Variants in DNAH5 observed in about 807,000 individuals in gnomAD.
The protein encoded by DNAH5 is dynein axonemal heavy chain 5, also known as axonemal beta dynein heavy chain 5.
DNAH5 carries 372 observed loss-of-function variants against 518.2 expected under a neutral mutation model. The observed-to-expected ratio is 0.72, with a 90% CI of 0.66 to 0.78. The LOEUF is 0.78. Among genes scored for constraint, DNAH5 ranks in the 30% least tolerant of loss-of-function variants. The pLI is 0.00. For synonymous variants in DNAH5, 2,039 were observed against 2,025.9 expected (o/e 1.01, Z -0.17); for missense variants, 5,523 against 5,687.0 (o/e 0.97, Z 0.93).
chr5:13,982,153 G>A (rs562581957), intron 1 of DNAH5, among the ~76,000 whole-genome samples: 19 of 152,302 alleles, frequency 1.2e-4, no homozygotes, highest in South Asian at 4.1e-4. Flanking sequence ...GAAATCTCCC[G>A]GATGAAGATC....
intron 48 of DNAH5, 63 bp downstream of exon 48, chr5:13,793,873 A>C: frequency 6.3e-7 from 1 of 1,576,270 alleles, no homozygotes; most frequent in East Asian, 2.3e-5. Flanking sequence ...ATTTTTAAAA[A>C]CTCTTCTAAG....
intron 1 of DNAH5, among the ~76,000 whole-genome samples, chr5:13,970,216 G>T (rs772840332): frequency 6.6e-6 from 1 of 152,166 alleles, no homozygotes; most frequent in Non-Finnish European, 1.5e-5. Context: ...GAAGATAAGA[G>T]ATACTTGGTT....
chr5:13,952,573 G>A (rs144006592), intron 1 of DNAH5, among the ~76,000 whole-genome samples: 123 of 152,246 alleles, frequency 8.1e-4, no homozygotes, highest in African/African-American at 2.8e-3. Flanking sequence ...GGATCAATAT[G>A]TCTTACCCAT....
chr5:13,872,455 T>C (rs899411107), intron 22 of DNAH5, among the ~76,000 whole-genome samples: 2 of 152,342 alleles, frequency 1.3e-5, no homozygotes, highest in East Asian at 1.9e-4. Context: ...AGTTTTAGCA[T>C]AATCTTCATA....
chr5:13,738,588 G>C (rs1747928269), intron 65 of DNAH5, among the ~76,000 whole-genome samples: 1 of 152,136 alleles, frequency 6.6e-6, no homozygotes, highest in Non-Finnish European at 1.5e-5. Flanking sequence ...ATCCTTATTG[G>C]CCTTTTCTTC....
At chr5:13,713,314 C>T (rs1743796850) in intron 75 of DNAH5, among the ~76,000 whole-genome samples, 1 of 141,112 alleles carries the variant, frequency 7.1e-6, no homozygotes, top group Non-Finnish European at 1.5e-5. Context: ...TATATATATA[C>T]CGACATATAT....
At chr5:13,881,543 T>C (rs1358487378) in intron 21 of DNAH5, among the ~76,000 whole-genome samples, 1 of 151,772 alleles carries the variant, frequency 6.6e-6, no homozygotes, top group South Asian at 2.1e-4. Flanking sequence ...TTTAAATATG[T>C]GAAAATAAAA....
chr5:13,865,707 A>G lies in DNAH5; in HGVS notation c.4316T>C (p.Ile1439Thr), dbSNP rs1318331552. 1 of 1,601,984 alleles carries G rather than the reference A, an allele frequency of 6.2e-7. No individual in the cohort carries two copies. Among genetic ancestry groups the G allele is most frequent in the East Asian group, 2.2e-5 (1 of 44,824 alleles). ...YYDILWSEVN[I>T]EKINNELLEF... is the part of the protein sequence containing the mutation. ...TAAGAGTTCATTGTTAATTTTTTCA[A>G]TATTCACCTCTGACCAAAGAATATC... Residue 1439 changes from isoleucine to threonine, a missense_variant, in exon 27 of 79, where the codon ATT (isoleucine) becomes ACT (threonine). By Grantham distance (89) the Ile-to-Thr change is moderately conservative. Around this residue, in one of 3 missense-constraint regions of DNAH5, gnomAD observed 5,121 missense variants for 5,223.3 expected, o/e 0.98. Coordinates refer to ENST00000265104, the MANE Select transcript of DNAH5 (RefSeq NM_001369.3).
At chr5:13,717,104 T>C (rs1459010664) in intron 73 of DNAH5, among the ~76,000 whole-genome samples, 1 of 152,162 alleles carries the variant, frequency 6.6e-6, no homozygotes, top group Non-Finnish European at 1.5e-5. Flanking sequence ...GAATGTCAAC[T>C]CACTTTTGAG....
At chr5:13,983,874 G>A (rs1445844506) in intron 1 of DNAH5, among the ~76,000 whole-genome samples, 3 of 152,186 alleles carry the variant, frequency 2.0e-5, no homozygotes, top group Non-Finnish European at 4.4e-5. Context: ...AGACGCAAGC[G>A]CTGGAACCAC....
intron 22 of DNAH5, among the ~76,000 whole-genome samples, chr5:13,872,770 C>G (rs889572074): frequency 1.3e-5 from 2 of 152,100 alleles, no homozygotes; most frequent in Admixed American, 1.3e-4. Context: ...CAGCAAGTCA[C>G]AGAGGAGTAC....
intron 47 of DNAH5, among the ~76,000 whole-genome samples, chr5:13,805,773 G>A (rs561184016): frequency 3.6e-4 from 55 of 152,208 alleles, no homozygotes; most frequent in African/African-American, 1.1e-3. Flanking sequence ...GCATTTCTCC[G>A]AGTTCTGTAA....
At position 13,885,212 on chromosome 5, in the gene DNAH5, T is replaced by C. The variant is rs763731693; in HGVS notation, c.2760A>G (p.Gly920=). The C allele has an allele frequency of 1.4e-5, 22 of 1,614,040 alleles. No individual in the cohort carries two copies. The African/African-American group carries it at 2.8e-4, about 21-fold the overall frequency. Reference sequence around the variant, plus strand: ...TAGATGATGTCAAGGTGTCAAAATTTCCTTCTTCTCTTTTTGCTGTTACAA... The same window carrying C: ...TAGATGATGTCAAGGTGTCAAAATTCCCTTCTTCTCTTTTTGCTGTTACAA... The part of the protein sequence containing the change: ...KNESSAKREE[G]NFDTLTSSIN... The change falls in exon 19 of 79, where the codon GGA becomes GGG. Residue 920 remains glycine, a synonymous_variant. Coordinates refer to ENST00000265104, the MANE Select transcript of DNAH5 (RefSeq NM_001369.3).
chr5:13,809,774 T>C (rs1374784279), intron 45 of DNAH5, among the ~76,000 whole-genome samples: 1 of 152,194 alleles, frequency 6.6e-6, no homozygotes, highest in Non-Finnish European at 1.5e-5. Context: ...GCTGATTATA[T>C]TGAATGAGTG....
intron 33 of DNAH5, among the ~76,000 whole-genome samples, chr5:13,841,472 A>G (rs894220682): frequency 2.6e-5 from 4 of 152,216 alleles, no homozygotes; most frequent in Non-Finnish European, 5.9e-5. Flanking sequence ...AATACATCAA[A>G]TATATCTATA....
intron 47 of DNAH5, among the ~76,000 whole-genome samples, chr5:13,796,480 A>C (rs1757839858): frequency 1.3e-5 from 2 of 152,294 alleles, no homozygotes; most frequent in South Asian, 4.1e-4. Flanking sequence ...ATACCTAGGA[A>C]TCCAACTTAC....
intron 61 of DNAH5, among the ~76,000 whole-genome samples, chr5:13,758,121 G>C (rs2126724044): frequency 6.6e-6 from 1 of 151,434 alleles, no homozygotes; most frequent in Non-Finnish European, 1.5e-5. Flanking sequence ...AAAAAAAAGT[G>C]ACAAGATCCT....
At chr5:14,011,635 G>A (rs1233982475) in intron 1 of DNAH5, among the ~76,000 whole-genome samples, 1 of 152,208 alleles carries the variant, frequency 6.6e-6, no homozygotes, top group Middle Eastern at 3.4e-3. Context: ...CGTGGCCCGA[G>A]CGCGCACAGT....
chr5:14,004,634 T>C (rs1326958914), intron 1 of DNAH5, among the ~76,000 whole-genome samples: 1 of 152,244 alleles, frequency 6.6e-6, no homozygotes, highest in Non-Finnish European at 1.5e-5. Flanking sequence ...CTCTGCATTT[T>C]CATCATTGAA....
Sources: gnomAD v4.1 joint callset for allele counts (sites outside exome capture counted in the v4.1 genomes callset) on GRCh38, gnomAD v4.1.1 for gene constraint, gnomAD v4.1.1 regional missense constraint, MANE v1.5 for transcripts, NCBI Gene and HGNC (gene_info 2026-07-23, HGNC 2026-07-21) for gene names.